The following WDR33 variants were observed in gnomAD, a reference collection of about 807,000 sequenced individuals.
The protein encoded by WDR33 is pre-mRNA 3' end processing protein WDR33.
A neutral mutation model predicts 164.9 loss-of-function variants in WDR33; 47 were observed. The observed-to-expected ratio is 0.29, with a 90% CI of 0.23 to 0.36. WDR33 has a LOEUF of 0.36. WDR33 is among the 10% of genes least tolerant of loss of function. The pLI is 1.00. For synonymous variants in WDR33, 505 were observed against 589.0 expected (o/e 0.86, Z 2.06); for missense variants, 1,137 against 1,754.1 (o/e 0.65, Z 6.28).
chr2:127,714,187 T>C lies in WDR33; in HGVS notation c.2870-166A>G, dbSNP rs376064684. ...CAAATGTCCCTGAAGCATTGGGTAA[T>C]AGAACAGGAGCTTTGGGGTGCAGAT... On this transcript the variant is annotated intron_variant, in intron 17 of 21. Coordinates refer to ENST00000322313, the MANE Select transcript of WDR33 (RefSeq NM_018383.5). The surrounding 1 kb of genome is among the most constrained non-coding windows in gnomAD (Gnocchi z 4.3). Among the ~76,000 whole-genome samples the C allele has an allele frequency of 2.6e-5, 4 of 152,206 alleles. No individual in the cohort carries two copies. Among genetic ancestry groups the C allele is most frequent in the Non-Finnish European group, 4.4e-5 (3 of 68,036 alleles).
chr2:127,723,145 TA>T lies in WDR33; in HGVS notation c.1292-102del. ...ATGAATGTCACTGATGATTTATAAA[TA>T]AATCTACTATAAAATTAAAATTCAT... On this transcript the variant is annotated intron_variant, in intron 12 of 21. Transcript: ENST00000322313. The surrounding 1 kb of genome is among the most constrained non-coding windows in gnomAD (Gnocchi z 5.9). The T allele has an allele frequency of 1.4e-6, 2 of 1,414,646 alleles. No individual in the cohort carries two copies. Among genetic ancestry groups the T allele is most frequent in the Non-Finnish European group, 1.9e-6 (2 of 1,033,924 alleles). 87.6% of individuals were successfully genotyped at this position (1,414,646 alleles called of 1,614,324 possible). A position where few individuals can be genotyped will look rare whatever the true frequency, so the allele number is the denominator to read the frequency against.
At position 127,811,000 on chromosome 2, in the gene WDR33, C is replaced by T. The variant is rs1689633726; in HGVS notation, c.-24+12G>A. On this transcript the variant is annotated intron_variant, in intron 1 of 21. Transcript: ENST00000322313. ...CTGCAGGCGAGCAGTCCCGTGTCGC[C>T]GCCGCACTCACCGTCTGGCTTTGAG... The T allele has an allele frequency of 6.5e-6, 1 of 152,758 alleles. No individual in the cohort carries two copies. The highest frequency in any genetic ancestry group is 1.5e-5 in the Non-Finnish European group (1 of 68,094). The allele number at this position is 152,758 out of a possible 1,614,324, so 9.5% of individuals were successfully genotyped here.
intron 1 of WDR33, among the ~76,000 whole-genome samples, chr2:127,776,357 G>A (rs572077947): frequency 4.9e-4 from 75 of 152,260 alleles, no homozygotes; most frequent in Non-Finnish European, 9.8e-4. Context: ...CCAGTCTATG[G>A]TATTTTGTTA....
intron 7 of WDR33, among the ~76,000 whole-genome samples, chr2:127,760,052 G>C (rs1381959853): frequency 6.6e-6 from 1 of 152,078 alleles, no homozygotes; most frequent in Non-Finnish European, 1.5e-5. Context: ...TATTCCCGTA[G>C]GCAAGACAAG....
intron 1 of WDR33, among the ~76,000 whole-genome samples, chr2:127,771,820 G>A (rs955951803): frequency 1.3e-5 from 2 of 151,936 alleles, no homozygotes; most frequent in Non-Finnish European, 2.9e-5. Context: ...GGCAGGGGAA[G>A]ACTAATTCAC....
At chr2:127,743,646 C>A (rs926256760) in intron 7 of WDR33, among the ~76,000 whole-genome samples, 23 of 152,176 alleles carry the variant, frequency 1.5e-4, no homozygotes, top group African/African-American at 5.1e-4. Context: ...GAAGTGGAAA[C>A]ACATTGAGAG....
intron 7 of WDR33, among the ~76,000 whole-genome samples, chr2:127,761,858 TAC>T (rs1239325456): frequency 2.6e-5 from 4 of 152,362 alleles, no homozygotes; most frequent in South Asian, 2.1e-4. Context: ...TTACAAAAGC[TAC>T]AGTCATACAG....
rs1051442981 is a variant in WDR33, at chr2:127,723,194, T to G, written c.1291+59A>C. On this transcript the variant is annotated intron_variant, in intron 12 of 21. Coordinates refer to ENST00000322313, the MANE Select transcript of WDR33 (RefSeq NM_018383.5). This position sits in a 1 kb window ranked among gnomAD's most constrained non-coding sequence, Gnocchi z 5.9. ...CATTTTGTATAATCTTCCCAACATC[T>G]AACACTTCTGTAATAGAATACCAGA... The G allele has an allele frequency of 2.0e-6, 3 of 1,519,348 alleles. No individual in the cohort carries two copies. The African/African-American group carries it at 4.2e-5, about 21-fold the overall frequency. 94.1% of individuals were successfully genotyped at this position (1,519,348 alleles called of 1,614,324 possible).
Position 127,719,625 on chromosome 2 carries a change from C to T in WDR33, c.2400G>A (p.Gly800=). The change falls in exon 16 of 22, where the codon GGG becomes GGA. Residue 800 remains glycine, a synonymous_variant. Coordinates refer to ENST00000322313, the MANE Select transcript of WDR33 (RefSeq NM_018383.5). This position sits in a 1 kb window ranked among gnomAD's most constrained non-coding sequence, Gnocchi z 6.5. The part of the protein sequence containing the change: ...PRENQGPAPQ[G]MIMGHPPQEM... Reference sequence around the variant, plus strand: ...CTTGAGGCGGGTGGCCCATAATCATCCCTTGGGGAGCAGGACCCTGGTTCT... The same window carrying T: ...CTTGAGGCGGGTGGCCCATAATCATTCCTTGGGGAGCAGGACCCTGGTTCT... 5 of 1,613,898 alleles carry T rather than the reference C, an allele frequency of 3.1e-6. No homozygotes were observed. The highest frequency in any genetic ancestry group is 1.1e-5 in the South Asian group (1 of 91,084).
intron 7 of WDR33, chr2:127,737,261 T>A: frequency 1.0e-6 from 1 of 985,414 alleles, no homozygotes. Context: ...ATAGAGAACA[T>A]CAGCCATTTG....
intron 7 of WDR33, among the ~76,000 whole-genome samples, chr2:127,750,677 A>AATATATATAT (rs1161071581): frequency 3.1e-4 from 11 of 35,794 alleles, no homozygotes; most frequent in Non-Finnish European, 4.0e-4. Flanking sequence ...AAAAAAAAAA[A>AATATATATAT]ATATATATAT....
At chr2:127,715,088 C>CTTTTTTTTTTTTTTTTTTTTTT (rs386391178) in intron 17 of WDR33, among the ~76,000 whole-genome samples, 5 of 108,578 alleles carry the variant, frequency 4.6e-5, no homozygotes, top group African/African-American at 1.1e-4. Context: ...TTCTTTGTTT[C>CTTTTTTTTTTTTTTTTTTTTTT]TTTTTTTTTT....
Position 127,763,660 on chromosome 2 carries a change from A to G in WDR33, c.627-501T>C. The G allele has an allele frequency of 3.0e-6, 3 of 986,194 alleles. No individual in the cohort carries two copies. Among genetic ancestry groups the G allele is most frequent in the Non-Finnish European group, 3.6e-6 (3 of 830,494 alleles). The allele number at this position is 986,194 out of a possible 1,614,324, so 61.1% of individuals were successfully genotyped here. On this transcript the variant is annotated intron_variant, in intron 6 of 21. Transcript: ENST00000322313. The surrounding 1 kb of genome is among the most constrained non-coding windows in gnomAD (Gnocchi z 4.5). ...TCCCTACATACAATGTTTCTCATCC[A>G]TTTCAAAGGTCTGTAGAAAAGTTTC...
Position 127,716,396 on chromosome 2 carries a change from G to A in WDR33, c.2869+759C>T, listed in dbSNP as rs1286741030. Among the ~76,000 whole-genome samples the A allele has an allele frequency of 6.6e-6, 1 of 152,086 alleles. No homozygotes were observed. Among genetic ancestry groups the A allele is most frequent in the African/African-American group, 2.4e-5 (1 of 41,392 alleles). On this transcript the variant is annotated intron_variant, in intron 17 of 21. Transcript: ENST00000322313. The surrounding 1 kb of genome is among the most constrained non-coding windows in gnomAD (Gnocchi z 4.5). ...GGTCCTCCTGATTCTCCGAGTTGTGGTTTCTCCCCGTTATGAAAGTGTGTG... is the reference window on the plus strand; with the variant it reads ...GGTCCTCCTGATTCTCCGAGTTGTGATTTCTCCCCGTTATGAAAGTGTGTG...
At chr2:127,804,338 T>TTA (rs1689360348) in intron 1 of WDR33, among the ~76,000 whole-genome samples, 1 of 151,948 alleles carries the variant, frequency 6.6e-6, no homozygotes, top group Non-Finnish European at 1.5e-5. Context: ...AGAAAAGAAA[T>TTA]ATCTAGATTG....
intron 7 of WDR33, among the ~76,000 whole-genome samples, chr2:127,758,049 CAATATAA>C (rs1687571478): frequency 6.6e-6 from 1 of 152,160 alleles, no homozygotes; most frequent in Non-Finnish European, 1.5e-5. Context: ...GCGTAAGTCT[CAATATAA>C]CTGCTTATGT....
intron 1 of WDR33, among the ~76,000 whole-genome samples, chr2:127,784,978 A>G (rs1281578119): frequency 1.3e-5 from 2 of 152,268 alleles, no homozygotes; most frequent in Admixed American, 1.3e-4. Context: ...GAAAGCTCAG[A>G]TTTTTATCAC....
Position 127,719,505 on chromosome 2 carries a change from T to C in WDR33, c.2520A>G (p.Pro840=). The change falls in exon 16 of 22, where the codon CCA becomes CCG. Residue 840 remains proline, a synonymous_variant. Coordinates refer to ENST00000322313, the MANE Select transcript of WDR33 (RefSeq NM_018383.5). This position sits in a 1 kb window ranked among gnomAD's most constrained non-coding sequence, Gnocchi z 6.5. ...GAGGTCCCAGCATTGATCCTTGGGG[T>C]GGAGGCCCCTGCATGCCTCGGATCT... The part of the protein sequence containing the change: ...PQEIRGMQGP[P]PQGSMLGPPQ... 6.2e-7 allele frequency: 1 copy of C among 1,612,114 alleles called. No individual in the cohort carries two copies. The highest frequency in any genetic ancestry group is 1.1e-5 in the South Asian group (1 of 90,906).
At chr2:127,776,416 C>G (rs746695256) in intron 1 of WDR33, among the ~76,000 whole-genome samples, 2 of 152,206 alleles carry the variant, frequency 1.3e-5, no homozygotes. Context: ...TACCTCCTGA[C>G]TCTCCTTCAA....
Sources: allele counts gnomAD v4.1 joint callset (sites outside exome capture counted in the v4.1 genomes callset), GRCh38; gene constraint gnomAD v4.1.1; non-coding constraint Gnocchi (gnomAD v3.1); transcripts MANE v1.5; gene names NCBI Gene and HGNC (gene_info 2026-07-23, HGNC 2026-07-21).